The following SLC44A5 variants were observed in gnomAD, a reference collection of about 807,000 sequenced individuals.
The protein encoded by SLC44A5 is solute carrier family 44 member 5.
In SLC44A5, 57 loss-of-function variants were observed where a neutral mutation model predicts 101.8. The observed-to-expected ratio is 0.56, with a 90% CI of 0.45 to 0.70. The LOEUF (loss-of-function observed/expected upper bound fraction) is 0.70. Ranked by LOEUF, SLC44A5 falls within the 30% of genes least tolerant of loss-of-function variation. The pLI is 0.00. For missense variants in SLC44A5, 737 were observed against 853.1 expected (o/e 0.86, Z 1.70); for synonymous variants, 281 against 290.9 (o/e 0.97, Z 0.35).
At chr1:75,428,465 C>T (rs1449581177) in intron 2 of SLC44A5, among the ~76,000 whole-genome samples, 1 of 152,158 alleles carries the variant, frequency 6.6e-6, no homozygotes, top group Non-Finnish European at 1.5e-5. Context: ...TAGCACAGTG[C>T]TTGATATACC....
At position 75,319,312 on chromosome 1, in the gene SLC44A5, T is replaced by A. The variant is rs185732427; in HGVS notation, c.102-18627A>T. Among the ~76,000 whole-genome samples, 349 of 152,288 alleles carry A rather than the reference T, an allele frequency of 2.3e-3. 1 individual carries two copies. The South Asian group carries it at 0.024, about 10-fold the overall frequency. On this transcript the variant is annotated intron_variant, in intron 4 of 23. Coordinates refer to ENST00000370859, the MANE Select transcript of SLC44A5 (RefSeq NM_001130058.2). ...AATAGCATTTGTTGTAGATGCCATATCAATTCAGATGGTAGAAAAATTTAT... is the reference window on the plus strand; with the variant it reads ...AATAGCATTTGTTGTAGATGCCATAACAATTCAGATGGTAGAAAAATTTAT...
At chr1:75,266,519 C>A (rs1332274631) in intron 6 of SLC44A5, among the ~76,000 whole-genome samples, 1 of 152,114 alleles carries the variant, frequency 6.6e-6, no homozygotes, top group Non-Finnish European at 1.5e-5. Context: ...GCTACCTTTG[C>A]CATTTAATAG....
intron 1 of SLC44A5, among the ~76,000 whole-genome samples, chr1:75,593,980 T>C (rs1237184354): frequency 6.6e-6 from 1 of 151,956 alleles, no homozygotes; most frequent in Non-Finnish European, 1.5e-5. Context: ...CATTTTAAAA[T>C]AAGACAAAAT....
At chr1:75,419,848 A>C (rs946048152) in intron 2 of SLC44A5, among the ~76,000 whole-genome samples, 1 of 152,290 alleles carries the variant, frequency 6.6e-6, no homozygotes, top group Non-Finnish European at 1.5e-5. Context: ...AGATTCTTAT[A>C]CTATACATGG....
chr1:75,559,073 A>G (rs1326953082), intron 1 of SLC44A5, among the ~76,000 whole-genome samples: 3 of 152,070 alleles, frequency 2.0e-5, no homozygotes, highest in African/African-American at 7.2e-5. Context: ...ATAAGAGTAT[A>G]TATTCTTAAA....
In SLC44A5 at chr1:75,213,184, C is replaced by T. The variant is rs543535308; in HGVS notation, c.1962+521G>A. Among the ~76,000 whole-genome samples the T allele has an allele frequency of 1.1e-4, 16 of 152,270 alleles. No individual in the cohort carries two copies. The South Asian group carries it at 1.7e-3, about 16-fold the overall frequency. On this transcript the variant is annotated intron_variant, in intron 22 of 23. Coordinates refer to ENST00000370859, the MANE Select transcript of SLC44A5 (RefSeq NM_001130058.2). ...GGAGACAGCTTCCTGACATACCTTC[C>T]GCATGCAATCCTCTGTCTCAGGTTA...
intron 5 of SLC44A5, among the ~76,000 whole-genome samples, chr1:75,275,949 C>T (rs1651882010): frequency 6.6e-6 from 1 of 152,096 alleles, no homozygotes; most frequent in Non-Finnish European, 1.5e-5. Context: ...ATCTCCCTCC[C>T]CACATTTATT....
intron 2 of SLC44A5, among the ~76,000 whole-genome samples, chr1:75,465,115 C>G (rs1666744369): frequency 6.6e-6 from 1 of 152,130 alleles, no homozygotes; most frequent in South Asian, 2.1e-4. Flanking sequence ...ATGGATCATT[C>G]TCAATGACAG....
the SLC44A5 span, among the ~76,000 whole-genome samples, chr1:75,695,244 C>T: frequency 3.1e-4 from 47 of 152,322 alleles, no homozygotes; most frequent in East Asian, 1.9e-3. Flanking sequence ...AATTTACAAA[C>T]TAGTTCCTGT....
chr1:75,261,716 C>G (rs2100692667), intron 6 of SLC44A5, among the ~76,000 whole-genome samples: 1 of 151,914 alleles, frequency 6.6e-6, no homozygotes, highest in East Asian at 1.9e-4. Context: ...GACACAACAA[C>G]AGAAATTTCA....
intron 2 of SLC44A5, among the ~76,000 whole-genome samples, chr1:75,505,199 A>G (rs1051617445): frequency 2.0e-5 from 3 of 152,112 alleles, no homozygotes; most frequent in African/African-American, 7.2e-5. Context: ...ATAGTATTCC[A>G]TGGTATTTCA....
At chr1:75,508,667 T>C (rs1467906280) in intron 2 of SLC44A5, among the ~76,000 whole-genome samples, 2 of 152,004 alleles carry the variant, frequency 1.3e-5, no homozygotes, top group Non-Finnish European at 2.9e-5. Context: ...CAAGATGACA[T>C]TACAACCAAT....
At chr1:75,464,221 C>CAAAAAA (rs57630961) in intron 2 of SLC44A5, among the ~76,000 whole-genome samples, 4 of 52,212 alleles carry the variant, frequency 7.7e-5, no homozygotes, top group Admixed American at 2.2e-4. Flanking sequence ...GACTCTGTCT[C>CAAAAAA]AAAAAAAAAA....
At chr1:75,501,938 A>G (rs1336580407) in intron 2 of SLC44A5, among the ~76,000 whole-genome samples, 1 of 152,248 alleles carries the variant, frequency 6.6e-6, no homozygotes, top group Non-Finnish European at 1.5e-5. Flanking sequence ...CACATGTGCT[A>G]AAAATGAATC....
At position 75,346,341 on chromosome 1, in the gene SLC44A5, C is replaced by A. The variant is rs148476964; in HGVS notation, c.53-6711G>T. On this transcript the variant is annotated intron_variant, in intron 3 of 23. Coordinates refer to ENST00000370859, the MANE Select transcript of SLC44A5 (RefSeq NM_001130058.2). ...AGGATGTTTTTTAAGTAGTTTGCAT[C>A]ATCATTTGAAATAATTTGCTCTATA... Among the ~76,000 whole-genome samples, 259 of 152,186 alleles carry A rather than the reference C, an allele frequency of 1.7e-3. 1 individual carries two copies. Among genetic ancestry groups the A allele is most frequent in the African/African-American group, 5.9e-3 (246 of 41,528 alleles).
intron 5 of SLC44A5, among the ~76,000 whole-genome samples, chr1:75,298,996 G>A (rs1654209318): frequency 6.6e-6 from 1 of 152,144 alleles, no homozygotes; most frequent in Non-Finnish European, 1.5e-5. Context: ...AACTCTAGAT[G>A]TGCCTGATTC....
the SLC44A5 span, among the ~76,000 whole-genome samples, chr1:75,694,321 G>C: frequency 1.3e-5 from 2 of 151,842 alleles, no homozygotes; most frequent in Non-Finnish European, 2.9e-5. Flanking sequence ...ATGAGAGTTT[G>C]TGCACATTCT....
chr1:75,549,240 T>C (rs567514270), intron 1 of SLC44A5, among the ~76,000 whole-genome samples: 1 of 152,258 alleles, frequency 6.6e-6, no homozygotes, highest in African/African-American at 2.4e-5. Flanking sequence ...TGAGTTCCAG[T>C]CTTGGATAGC....
intron 1 of SLC44A5, among the ~76,000 whole-genome samples, chr1:75,593,215 C>A (rs952079727): frequency 6.6e-6 from 1 of 151,922 alleles, no homozygotes; most frequent in Non-Finnish European, 1.5e-5. Flanking sequence ...ACAAAAATGG[C>A]AAACAGGCAT....
Sources: allele counts gnomAD v4.1 joint callset (sites outside exome capture counted in the v4.1 genomes callset), GRCh38; gene constraint gnomAD v4.1.1; transcripts MANE v1.5; gene names NCBI Gene and HGNC (gene_info 2026-07-23, HGNC 2026-07-21).